Variants in FBN2 observed in about 807,000 individuals in gnomAD.
The protein encoded by FBN2 is fibrillin 2.
FBN2 carries 105 observed loss-of-function variants against 355.6 expected under a neutral mutation model. That is an observed-to-expected ratio of 0.30 (90% CI 0.25 to 0.35). The LOEUF is 0.35. FBN2 is among the 10% of genes least tolerant of loss of function. The probability of loss-of-function intolerance (pLI) is 1.00; values close to 1 mark genes in which losing one functional copy is unlikely to be tolerated. For missense variants in FBN2, 3,280 were observed against 3,758.7 expected (o/e 0.87, Z 3.33); for synonymous variants, 1,350 against 1,301.2 (o/e 1.04, Z -0.81).
intron 62 of FBN2, among the ~76,000 whole-genome samples, chr5:128,268,901 A>G (rs1321036545): frequency 2.0e-5 from 3 of 152,180 alleles, no homozygotes; most frequent in Non-Finnish European, 4.4e-5. Context: ...TTTATGACAA[A>G]CCCACAGTCA....
chr5:128,290,706 C>T (rs760999017), intron 50 of FBN2, 26 bp downstream of exon 50: 10 of 1,612,162 alleles, frequency 6.2e-6, no homozygotes, highest in Middle Eastern at 1.7e-4. Context: ...ACACAAAGTG[C>T]TGTCTGATGA....
In FBN2 at chr5:128,301,033, G is replaced by A. The variant is rs185885296; in HGVS notation, c.6047-97C>T. ...AATGATATTAACATGAATTCAACTC[G>A]GGTCCTCTGATCTACTGGGTCACCA... is the stretch of plus-strand genomic sequence containing the variant. On this transcript the variant is annotated intron_variant, in intron 47 of 64. Transcript: ENST00000262464. The A allele has an allele frequency of 2.1e-4, 240 of 1,150,120 alleles. No homozygotes were observed. In the African/African-American group the frequency reaches 3.0e-3, roughly 14 times the overall value. 71.2% of individuals were successfully genotyped at this position (1,150,120 alleles called of 1,614,324 possible).
rs778383061 is a variant in FBN2 at position 128,464,935 on chromosome 5, G to GAAGA, written c.629-18_629-15dup. 3.0e-5 allele frequency: 48 copies of GAAGA among 1,613,274 alleles called. No individual in the cohort carries two copies. The highest frequency in any genetic ancestry group is 1.5e-4 in the Admixed American group (9 of 60,002). On this transcript the variant is annotated splice_polypyrimidine_tract_variant and intron_variant, in intron 5 of 64. Transcript: ENST00000262464. ...CTGTCCTGTAATCTGGAATGTGGGA[G>GAAGA]AAGAAAGAAAGACAGGTTTTATGAT...
intron 40 of FBN2, among the ~76,000 whole-genome samples, chr5:128,309,769 G>T (rs1043056295): frequency 6.6e-6 from 1 of 152,064 alleles, no homozygotes; most frequent in African/African-American, 2.4e-5. Flanking sequence ...AACATTTGAG[G>T]AAATTTTCTA....
intron 8 of FBN2, 65 bp downstream of exon 8, chr5:128,408,609 C>G: frequency 6.3e-7 from 1 of 1,590,724 alleles, no homozygotes; most frequent in South Asian, 1.1e-5. Context: ...CATCTTCATA[C>G]CTGTTTGGGC....
chr5:128,311,523 T>C (rs750214875), intron 38 of FBN2, 98 bp from the exon 39 acceptor site: 67 of 1,297,732 alleles, frequency 5.2e-5, no homozygotes, highest in Non-Finnish European at 6.5e-5. Flanking sequence ...AAGAATCAGA[T>C]TTCTATGCAT....
chr5:128,264,315 T>C (rs1013126101), intron 62 of FBN2, among the ~76,000 whole-genome samples: 1 of 140,228 alleles, frequency 7.1e-6, no homozygotes, highest in Non-Finnish European at 1.5e-5. Flanking sequence ...AAAACAACAC[T>C]ATTTAGTTAA....
intron 2 of FBN2, among the ~76,000 whole-genome samples, chr5:128,534,023 TAC>T (rs1326064126): frequency 3.9e-5 from 6 of 152,308 alleles, no homozygotes; most frequent in East Asian, 1.9e-4. Flanking sequence ...CTTGGAGAAT[TAC>T]AGTTTCTTTT....
At chr5:128,400,728 A>T (rs1192545919) in intron 8 of FBN2, among the ~76,000 whole-genome samples, 1 of 152,202 alleles carries the variant, frequency 6.6e-6, no homozygotes, top group African/African-American at 2.4e-5. Flanking sequence ...ATAAACAAGA[A>T]AACATCCTAT....
chr5:128,332,845 A>T (rs1750729139), intron 32 of FBN2, 67 bp downstream of exon 32: 1 of 1,477,938 alleles, frequency 6.8e-7, no homozygotes, highest in South Asian at 1.1e-5. Context: ...ATGATTCTAC[A>T]ACCATGCAAA....
intron 29 of FBN2, 37 bp downstream of exon 29, chr5:128,335,418 T>A: frequency 6.2e-7 from 1 of 1,613,910 alleles, no homozygotes; most frequent in Non-Finnish European, 8.5e-7. Flanking sequence ...AAAAAATTAG[T>A]TAGATGTACA....
intron 23 of FBN2, 104 bp downstream of exon 23, chr5:128,349,243 G>T: frequency 7.2e-7 from 1 of 1,381,792 alleles, no homozygotes; most frequent in Non-Finnish European, 1.0e-6. Context: ...TTTAAAGCAA[G>T]TTTTCTCAAG....
chr5:128,524,139 G>T (rs2112793859), intron 4 of FBN2, among the ~76,000 whole-genome samples: 1 of 152,104 alleles, frequency 6.6e-6, no homozygotes, highest in Admixed American at 6.6e-5. Flanking sequence ...TTACTCCAGG[G>T]ACATGGATCT....
intron 7 of FBN2, among the ~76,000 whole-genome samples, chr5:128,443,540 C>T (rs1753977450): frequency 6.6e-6 from 1 of 152,182 alleles, no homozygotes; most frequent in Non-Finnish European, 1.5e-5. Flanking sequence ...AAAAAATACA[C>T]ACAGAAAATA....
At chr5:128,531,943 TGA>T (rs900996574) in intron 2 of FBN2, among the ~76,000 whole-genome samples, 36 of 152,248 alleles carry the variant, frequency 2.4e-4, no homozygotes, top group Admixed American at 2.0e-4. Flanking sequence ...CATTAAAGAC[TGA>T]GAGTTTAAAA....
intron 11 of FBN2, among the ~76,000 whole-genome samples, chr5:128,385,381 A>G (rs1023968739): frequency 1.3e-5 from 2 of 152,180 alleles, no homozygotes; most frequent in Non-Finnish European, 2.9e-5. Context: ...TGCAAAGCAC[A>G]TGGTCTCATT....
chr5:128,404,004 C>CA (rs1165681283), intron 8 of FBN2, among the ~76,000 whole-genome samples: 5 of 152,132 alleles, frequency 3.3e-5, no homozygotes, highest in Non-Finnish European at 7.4e-5. Context: ...GAAATTAAGA[C>CA]AAAATTCAGC....
chr5:128,536,205 C>A (rs529847884), intron 2 of FBN2, among the ~76,000 whole-genome samples, 197 bp downstream of exon 2: 2 of 152,288 alleles, frequency 1.3e-5, no homozygotes, highest in Admixed American at 1.3e-4. Context: ...TCAACAGAGT[C>A]TAGAAGTGAA....
chr5:128,333,839 T>TCACATACA (rs1554122628), intron 31 of FBN2, among the ~76,000 whole-genome samples: 1 of 122,852 alleles, frequency 8.1e-6, no homozygotes, highest in Non-Finnish European at 1.7e-5. Context: ...GATGCTGAAA[T>TCACATACA]CACACACACA....
Sources: allele counts gnomAD v4.1 joint callset (sites outside exome capture counted in the v4.1 genomes callset), GRCh38; gene constraint gnomAD v4.1.1; transcripts MANE v1.5; gene names NCBI Gene and HGNC (gene_info 2026-07-23, HGNC 2026-07-21).